Variants in GALNT18 observed in about 807,000 individuals in gnomAD.
The protein encoded by GALNT18 is GalNAc-transferase 18.
In GALNT18, 44 loss-of-function variants were observed where a neutral mutation model predicts 69.5. That is an observed-to-expected ratio of 0.63 (90% CI 0.50 to 0.81). The LOEUF is 0.81. Ranked by LOEUF, GALNT18 falls within the 40% of genes least tolerant of loss-of-function variation. The pLI, the probability that GALNT18 is intolerant of heterozygous loss-of-function variation, is 0.00. For missense variants in GALNT18, 715 were observed against 810.0 expected (o/e 0.88, Z 1.42); for synonymous variants, 364 against 318.2 (o/e 1.14, Z -1.53).
chr11:11,276,787 G>A (rs1848959020), intron 10 of GALNT18, among the ~76,000 whole-genome samples: 1 of 152,180 alleles, frequency 6.6e-6, no homozygotes, highest in Non-Finnish European at 1.5e-5. Flanking sequence ...TTTTGTCACT[G>A]GTTCTGTTTA....
intron 1 of GALNT18, among the ~76,000 whole-genome samples, chr11:11,498,125 T>G (rs1856903862): frequency 6.6e-6 from 1 of 152,222 alleles, no homozygotes; most frequent in African/African-American, 2.4e-5. Flanking sequence ...TACATATGTC[T>G]TCTAATCTTT....
chr11:11,477,496 C>T (rs1004015457), intron 1 of GALNT18, among the ~76,000 whole-genome samples: 2 of 152,218 alleles, frequency 1.3e-5, no homozygotes, highest in South Asian at 4.1e-4. Context: ...AGTGGGAAGC[C>T]TCCTGCCCTC....
At chr11:11,385,375 A>G (rs1425082285) in intron 3 of GALNT18, among the ~76,000 whole-genome samples, 1 of 151,110 alleles carries the variant, frequency 6.6e-6, no homozygotes, top group Non-Finnish European at 1.5e-5. Flanking sequence ...GGCTCACTGC[A>G]AGCTCCGCCT....
In GALNT18 at chr11:11,356,369, C is replaced by T. The variant is rs555970699; in HGVS notation, c.1093-15365G>A. On this transcript the variant is annotated intron_variant, in intron 6 of 10. Coordinates refer to ENST00000227756, the MANE Select transcript of GALNT18 (RefSeq NM_198516.3). The surrounding 1 kb of genome is among the most constrained non-coding windows in gnomAD (Gnocchi z 4.4). ...GAAGCTACCTTCCAGGGTCTGATAC[C>T]GACCAGCATGCAGACTCAGCTAAAG... Among the ~76,000 whole-genome samples the T allele has an allele frequency of 2.0e-4, 30 of 152,168 alleles. No homozygotes were observed. Among genetic ancestry groups the T allele is most frequent in the African/African-American group, 3.6e-4 (15 of 41,510 alleles).
At position 11,546,125 on chromosome 11, in the gene GALNT18, G is replaced by A. The variant is rs1018734662; in HGVS notation, c.235+75234C>T. Among the ~76,000 whole-genome samples, 10 of 152,100 alleles carry A rather than the reference G, an allele frequency of 6.6e-5. No homozygotes were observed. Among genetic ancestry groups the A allele is most frequent in the Non-Finnish European group, 1.0e-4 (7 of 68,030 alleles). ...TTCCCAGGTGTCTGTGACACAATCT[G>A]AGCCCTGGTATCCCTGAGAAGGCTT... On this transcript the variant is annotated intron_variant, in intron 1 of 10. Transcript: ENST00000227756. The surrounding 1 kb of genome is among the most constrained non-coding windows in gnomAD (Gnocchi z 5.8).
intron 1 of GALNT18, among the ~76,000 whole-genome samples, chr11:11,479,401 A>G (rs1590039505): frequency 6.6e-6 from 1 of 152,336 alleles, no homozygotes; most frequent in Non-Finnish European, 1.5e-5. Context: ...ATCGACTATA[A>G]TAAGAAATCA....
intron 10 of GALNT18, among the ~76,000 whole-genome samples, chr11:11,273,760 C>T (rs1848876559): frequency 6.6e-6 from 1 of 152,128 alleles, no homozygotes; most frequent in Non-Finnish European, 1.5e-5. Context: ...TATTGCAGCA[C>T]TATTCGCAAT....
chr11:11,425,016 T>TAGCTC (rs1178776933), intron 3 of GALNT18, among the ~76,000 whole-genome samples: 2 of 152,138 alleles, frequency 1.3e-5, no homozygotes, highest in Non-Finnish European at 2.9e-5. Context: ...CCCAGGGCCC[T>TAGCTC]AGCTCAGCTC....
At chr11:11,530,780 C>G (rs1436004281) in intron 1 of GALNT18, among the ~76,000 whole-genome samples, 1 of 152,210 alleles carries the variant, frequency 6.6e-6, no homozygotes, top group Non-Finnish European at 1.5e-5. Context: ...TCTTGTCAAC[C>G]AGCACCACAA....
intron 6 of GALNT18, among the ~76,000 whole-genome samples, chr11:11,349,936 A>G (rs1374663002): frequency 2.8e-5 from 4 of 143,848 alleles, no homozygotes; most frequent in Non-Finnish European, 4.7e-5. Context: ...TGCTGCTTGG[A>G]AAAAAAAATG....
chr11:11,485,860 C>T (rs952285010), intron 1 of GALNT18, among the ~76,000 whole-genome samples: 51 of 152,318 alleles, frequency 3.3e-4, no homozygotes, highest in African/African-American at 1.2e-3. Flanking sequence ...AAGGGGCCAG[C>T]AGATGCTTTC....
intron 10 of GALNT18, among the ~76,000 whole-genome samples, chr11:11,277,548 G>T (rs1288430611): frequency 6.6e-6 from 1 of 152,108 alleles, no homozygotes; most frequent in Non-Finnish European, 1.5e-5. Flanking sequence ...GCCAGCTTTT[G>T]AATGTGTTTG....
rs1346197933 is a variant in GALNT18, at chr11:11,584,542, C to T, written c.235+36817G>A. Among the ~76,000 whole-genome samples the T allele has an allele frequency of 6.6e-6, 1 of 152,080 alleles. No homozygotes were observed. Among genetic ancestry groups the T allele is most frequent in the Non-Finnish European group, 1.5e-5 (1 of 68,028 alleles). ...GTCTGAACACGTAAGGACCGAGAGG[C>T]GAGTCTTCAGTGAAACACCCACAGA... On this transcript the variant is annotated intron_variant, in intron 1 of 10. Coordinates refer to ENST00000227756, the MANE Select transcript of GALNT18 (RefSeq NM_198516.3). The surrounding 1 kb of genome is among the most constrained non-coding windows in gnomAD (Gnocchi z 4.1).
chr11:11,354,790 T>C (rs926149967), intron 6 of GALNT18, among the ~76,000 whole-genome samples: 3 of 152,132 alleles, frequency 2.0e-5, no homozygotes, highest in Admixed American at 1.3e-4. Flanking sequence ...GTCTCAGGCA[T>C]CTCAACCTTA....
chr11:11,399,647 A>G (rs1854416384), intron 3 of GALNT18, among the ~76,000 whole-genome samples: 1 of 152,218 alleles, frequency 6.6e-6, no homozygotes, highest in Non-Finnish European at 1.5e-5. Context: ...GGCTTCACTA[A>G]CAGGGTTTAA....
intron 1 of GALNT18, among the ~76,000 whole-genome samples, chr11:11,539,032 G>A (rs774132344): frequency 2.0e-5 from 3 of 152,228 alleles, no homozygotes; most frequent in Non-Finnish European, 4.4e-5. Context: ...CTTTGGGCTA[G>A]AGGAGTGCCT....
chr11:11,341,039 CCT>C lies in GALNT18; in HGVS notation c.1093-37_1093-36del. ...ACATGGAGCCACTTGTCAGAGCCTG[CCT>C]GGCTCTGCCTTTCTACACCAGGCCT... On this transcript the variant is annotated intron_variant, in intron 6 of 10. Transcript: ENST00000227756. This position sits in a 1 kb window ranked among gnomAD's most constrained non-coding sequence, Gnocchi z 6.3. 6.5e-7 allele frequency: 1 copy of C among 1,545,472 alleles called. No individual in the cohort carries two copies. The highest frequency in any genetic ancestry group is 1.2e-5 in the South Asian group (1 of 81,808).
chr11:11,570,055 G>A (rs1858751195), intron 1 of GALNT18: 2 of 152,288 alleles, frequency 1.3e-5, no homozygotes, highest in East Asian at 1.9e-4. Flanking sequence ...GCAGAGACGT[G>A]AGGGAGCTCA....
chr11:11,396,560 G>C lies in GALNT18; in HGVS notation c.596-17296C>G, dbSNP rs1371625785. On this transcript the variant is annotated intron_variant, in intron 3 of 10. Coordinates refer to ENST00000227756, the MANE Select transcript of GALNT18 (RefSeq NM_198516.3). This position sits in a 1 kb window ranked among gnomAD's most constrained non-coding sequence, Gnocchi z 5.2. ...CACGGACAGCTTGGTAACAAACAAA[G>C]AAAATGGAAGCCAAGCGTGGGGATG... Among the ~76,000 whole-genome samples, 1 of 152,138 alleles carries C rather than the reference G, an allele frequency of 6.6e-6. No homozygotes were observed. The highest frequency in any genetic ancestry group is 1.5e-5 in the Non-Finnish European group (1 of 68,010).
Sources: allele counts gnomAD v4.1 joint callset (sites outside exome capture counted in the v4.1 genomes callset), GRCh38; gene constraint gnomAD v4.1.1; non-coding constraint Gnocchi (gnomAD v3.1); transcripts MANE v1.5; gene names NCBI Gene and HGNC (gene_info 2026-07-23, HGNC 2026-07-21).